Variants in EBF1 observed in about 807,000 individuals in gnomAD.
EBF1 encodes EBF transcription factor 1, also known as transcription factor COE1.
A neutral mutation model predicts 68.4 loss-of-function variants in EBF1; 10 were observed. That is an observed-to-expected ratio of 0.15 (90% CI 0.09 to 0.25). The LOEUF is 0.25. Ranked by LOEUF, EBF1 falls within the 10% of genes least tolerant of loss-of-function variation. The pLI, the probability that EBF1 is intolerant of heterozygous loss-of-function variation, is 1.00. For synonymous variants in EBF1, 298 were observed against 299.8 expected, an observed-to-expected ratio of 0.99 and a Z score of 0.06; for missense variants, 509 against 794.4, an observed-to-expected ratio of 0.64 and a Z score of 4.32.
chr5:159,026,066 C>T (rs771795288), intron 6 of EBF1, among the ~76,000 whole-genome samples: 10 of 152,164 alleles, frequency 6.6e-5, no homozygotes, highest in Non-Finnish European at 1.3e-4. Flanking sequence ...TTCCTAGCTC[C>T]GTTTTTCAGC....
intron 6 of EBF1, among the ~76,000 whole-genome samples, chr5:159,025,703 A>G (rs920292204): frequency 1.3e-5 from 2 of 152,072 alleles, no homozygotes; most frequent in African/African-American, 4.8e-5. Flanking sequence ...ACCCTGTAAG[A>G]TTTTTCTATA....
At chr5:158,986,209 C>G (rs1346968224) in intron 6 of EBF1, among the ~76,000 whole-genome samples, 1 of 152,212 alleles carries the variant, frequency 6.6e-6, no homozygotes. Context: ...TTTTATCTCC[C>G]CCTTCCTTGG....
chr5:158,876,142 G>T (rs191934926), intron 6 of EBF1, among the ~76,000 whole-genome samples: 1 of 152,170 alleles, frequency 6.6e-6, no homozygotes, highest in East Asian at 1.9e-4. Flanking sequence ...AAACACTACG[G>T]CCAATAATAT....
intron 6 of EBF1, among the ~76,000 whole-genome samples, chr5:158,986,210 C>G (rs976404085): frequency 2.6e-5 from 4 of 152,212 alleles, no homozygotes; most frequent in African/African-American, 9.6e-5. Context: ...TTTATCTCCC[C>G]CTTCCTTGGT....
chr5:158,973,822 T>C (rs1318149665), intron 6 of EBF1, among the ~76,000 whole-genome samples: 1 of 152,206 alleles, frequency 6.6e-6, no homozygotes, highest in Non-Finnish European at 1.5e-5. Context: ...GTAGTAGTGG[T>C]AGTAGCAGCT....
chr5:158,790,127 A>C (rs1778323783), intron 9 of EBF1, among the ~76,000 whole-genome samples: 1 of 152,156 alleles, frequency 6.6e-6, no homozygotes, highest in African/African-American at 2.4e-5. Flanking sequence ...AACGAGGAGA[A>C]CCTGTGTGAG....
intron 10 of EBF1, among the ~76,000 whole-genome samples, chr5:158,765,303 A>C (rs2127632777): frequency 6.6e-6 from 1 of 152,312 alleles, no homozygotes; most frequent in South Asian, 2.1e-4. Flanking sequence ...ACACTCCTTC[A>C]TCTAAACCTC....
intron 6 of EBF1, among the ~76,000 whole-genome samples, chr5:158,979,596 G>A (rs897517103): frequency 2.0e-5 from 3 of 151,932 alleles, no homozygotes; most frequent in Non-Finnish European, 4.4e-5. Flanking sequence ...GACTGGGGCC[G>A]GTATCAAATA....
At chr5:158,867,319 G>C (rs1796100281) in intron 6 of EBF1, among the ~76,000 whole-genome samples, 1 of 152,122 alleles carries the variant, frequency 6.6e-6, no homozygotes, top group Non-Finnish European at 1.5e-5. Flanking sequence ...AAACAGACCT[G>C]AATAATCTAT....
intron 6 of EBF1, among the ~76,000 whole-genome samples, chr5:159,050,585 G>A (rs1346843664): frequency 6.6e-6 from 1 of 152,158 alleles, no homozygotes; most frequent in Non-Finnish European, 1.5e-5. Flanking sequence ...ATAGCTCTCA[G>A]AACTTTGGTC....
intron 10 of EBF1, among the ~76,000 whole-genome samples, chr5:158,754,931 T>A (rs1382795086): frequency 6.6e-6 from 1 of 152,124 alleles, no homozygotes; most frequent in Non-Finnish European, 1.5e-5. Context: ...GGCTTTTCCA[T>A]AGCATGATAA....
intron 9 of EBF1, among the ~76,000 whole-genome samples, chr5:158,790,539 C>G (rs954613696): frequency 6.6e-6 from 1 of 152,088 alleles, no homozygotes; most frequent in Non-Finnish European, 1.5e-5. Flanking sequence ...AAGTTTGGGA[C>G]ATGCTGAATA....
chr5:159,005,811 A>G (rs955695721), intron 6 of EBF1, among the ~76,000 whole-genome samples: 1 of 152,238 alleles, frequency 6.6e-6, no homozygotes, highest in African/African-American at 2.4e-5. Flanking sequence ...AAAAAATGTT[A>G]CAGCAATTTT....
intron 7 of EBF1, among the ~76,000 whole-genome samples, chr5:158,824,868 C>T (rs1268838594): frequency 1.3e-5 from 2 of 152,226 alleles, no homozygotes; most frequent in Non-Finnish European, 2.9e-5. Flanking sequence ...AATTTCCTTT[C>T]CCAGAGCCTC....
chr5:158,942,839 G>A (rs1410272126), intron 6 of EBF1, among the ~76,000 whole-genome samples: 1 of 149,300 alleles, frequency 6.7e-6, no homozygotes, highest in African/African-American at 2.5e-5. Flanking sequence ...GTTGTTGCAA[G>A]AATGTGGTCG....
At chr5:158,948,971 G>A (rs1815424735) in intron 6 of EBF1, among the ~76,000 whole-genome samples, 1 of 152,264 alleles carries the variant, frequency 6.6e-6, no homozygotes, top group East Asian at 1.9e-4. Flanking sequence ...TTGGATCATG[G>A]CATTTTATCA....
intron 8 of EBF1, among the ~76,000 whole-genome samples, chr5:158,805,753 A>G (rs868115010): frequency 3.3e-5 from 5 of 152,180 alleles, no homozygotes; most frequent in Middle Eastern, 3.4e-3. Context: ...TAAAAAAGAT[A>G]TGGTATCCTC....
At chr5:159,011,136 A>C (rs1415538792) in intron 6 of EBF1, among the ~76,000 whole-genome samples, 1 of 152,170 alleles carries the variant, frequency 6.6e-6, no homozygotes, top group Admixed American at 6.5e-5. Context: ...ACTTTATTTC[A>C]CATCTCAAGC....
At chr5:158,729,436 G>T (rs868139505) in intron 11 of EBF1, among the ~76,000 whole-genome samples, 1 of 152,156 alleles carries the variant, frequency 6.6e-6, no homozygotes, top group Admixed American at 6.5e-5. Context: ...GTTCTAGCAC[G>T]AAGACAGCTA....
Sources: gnomAD v4.1 joint callset for allele counts (sites outside exome capture counted in the v4.1 genomes callset) on GRCh38, gnomAD v4.1.1 for gene constraint, MANE v1.5 for transcripts, NCBI Gene and HGNC (gene_info 2026-07-23, HGNC 2026-07-21) for gene names.